PTPRD: variants seen among roughly 807,000 people sequenced by gnomAD.
The protein encoded by PTPRD is receptor-type tyrosine-protein phosphatase delta.
Under a neutral mutation model 214.5 loss-of-function variants are expected in PTPRD, and 34 were observed. The ratio of observed to expected loss-of-function variants is 0.16; its 90% CI spans 0.12 to 0.21. The LOEUF (loss-of-function observed/expected upper bound fraction) is 0.21. Among genes scored for constraint, PTPRD ranks in the 10% least tolerant of loss-of-function variants. The pLI, the probability that PTPRD is intolerant of heterozygous loss-of-function variation, is 1.00. For missense variants in PTPRD, 2,545 were observed against 2,398.7 expected (o/e 1.06, Z -1.27); for synonymous variants, 1,128 against 845.7 (o/e 1.33, Z -5.79).
Position 10,395,022 on chromosome 9 carries a change from T to C in PTPRD, c.-599-54005A>G, listed in dbSNP as rs116098586. Among the ~76,000 whole-genome samples, 591 of 147,520 alleles carry C rather than the reference T, an allele frequency of 4.0e-3. 11 individuals are homozygous for C. Among genetic ancestry groups the C allele is most frequent in the African/African-American group, 0.014 (556 of 39,892 alleles). ...GGTTCTGCTGCCTGCACTTTATCAA[T>C]AAACGTGTGCTCTCCTACCGCTTGG... On this transcript the variant is annotated intron_variant, in intron 2 of 45. Transcript: ENST00000381196.
chr9:10,106,221 C>T (rs555006542), intron 3 of PTPRD, among the ~76,000 whole-genome samples: 4 of 151,792 alleles, frequency 2.6e-5, no homozygotes, highest in African/African-American at 7.2e-5. Context: ...AGGTTGATTC[C>T]TATTTTTCTA....
chr9:9,606,377 A>C (rs1355839298), intron 7 of PTPRD, among the ~76,000 whole-genome samples: 1 of 152,070 alleles, frequency 6.6e-6, no homozygotes, highest in Non-Finnish European at 1.5e-5. Flanking sequence ...ATTTCTTTAA[A>C]ACATAGTGTG....
chr9:9,116,921 G>C (rs2099812881), intron 10 of PTPRD, among the ~76,000 whole-genome samples: 1 of 152,048 alleles, frequency 6.6e-6, no homozygotes, highest in African/African-American at 2.4e-5. Context: ...TCCAATGCTT[G>C]TTACCATGCC....
intron 9 of PTPRD, among the ~76,000 whole-genome samples, chr9:9,388,087 G>A (rs2064508385): frequency 6.6e-6 from 1 of 152,132 alleles, no homozygotes; most frequent in Admixed American, 6.5e-5. Flanking sequence ...AGGTTTTATT[G>A]AGTAGAAGTA....
Position 8,314,352 on chromosome 9 carries a change from T to A in PTPRD, c.*3522A>T, listed in dbSNP as rs1216801772. 1 of 228,190 alleles carries A rather than the reference T, an allele frequency of 4.4e-6. No homozygotes were observed. Among genetic ancestry groups the A allele is most frequent in the Admixed American group, 5.7e-5 (1 of 17,554 alleles). 14.1% of individuals were successfully genotyped at this position (228,190 alleles called of 1,614,324 possible). A position where few individuals can be genotyped will look rare whatever the true frequency, so the allele number is the denominator to read the frequency against. On this transcript the variant is annotated 3_prime_UTR_variant, in exon 46 of 46. Transcript: ENST00000381196. ...TTCTTTCGCCACCAATGTAACGAAG[T>A]AAGAAAATAAAAAGCACGCCTTTCA...
chr9:8,945,759 C>T (rs1031069984), intron 11 of PTPRD, among the ~76,000 whole-genome samples: 32 of 152,056 alleles, frequency 2.1e-4, no homozygotes, highest in Non-Finnish European at 7.4e-5. Flanking sequence ...TGCCTGTGTA[C>T]CTTTGGATAT....
At chr9:9,514,534 G>C (rs565680411) in intron 8 of PTPRD, among the ~76,000 whole-genome samples, 1 of 152,010 alleles carries the variant, frequency 6.6e-6, no homozygotes, top group Non-Finnish European at 1.5e-5. Context: ...CCTGCCTTCC[G>C]AGGAGTTCTT....
In PTPRD at chr9:8,736,200, C is replaced by G. The variant is rs112471761; in HGVS notation, c.-103-2254G>C. ...TGGGAATTAGGAAGGGAGGCAATGA[C>G]TGGCTCCAAGCAATCATTTGAAGTA... On this transcript the variant is annotated intron_variant, in intron 11 of 45. Coordinates refer to ENST00000381196, the MANE Select transcript of PTPRD (RefSeq NM_002839.4). Among the ~76,000 whole-genome samples, 941 of 152,270 alleles carry G rather than the reference C, an allele frequency of 6.2e-3. 4 individuals carry two copies. The highest frequency in any genetic ancestry group is 0.021 in the African/African-American group (867 of 41,536).
At chr9:9,514,861 T>G (rs2154249008) in intron 8 of PTPRD, among the ~76,000 whole-genome samples, 1 of 152,188 alleles carries the variant, frequency 6.6e-6, no homozygotes, top group Non-Finnish European at 1.5e-5. Context: ...AAGTGCCTAG[T>G]TCTCTCCCTT....
chr9:8,875,238 G>A (rs774311079), intron 11 of PTPRD, among the ~76,000 whole-genome samples: 1 of 152,182 alleles, frequency 6.6e-6, no homozygotes, highest in Non-Finnish European at 1.5e-5. Flanking sequence ...CTCTCTGGAA[G>A]TTCTAGGACA....
intron 3 of PTPRD, among the ~76,000 whole-genome samples, chr9:10,035,783 T>C (rs1254005951): frequency 6.6e-6 from 1 of 151,796 alleles, no homozygotes; most frequent in African/African-American, 2.4e-5. Context: ...TGAAATTCCT[T>C]ATTAGTGGTT....
intron 17 of PTPRD, among the ~76,000 whole-genome samples, chr9:8,525,412 CAA>C (rs1192427611): frequency 6.6e-6 from 1 of 151,496 alleles, no homozygotes; most frequent in Non-Finnish European, 1.5e-5. Context: ...ATTTGGGTAC[CAA>C]AAGTGGCGCA....
chr9:8,651,040 C>T (rs1046812352), intron 12 of PTPRD, among the ~76,000 whole-genome samples: 2 of 152,028 alleles, frequency 1.3e-5, no homozygotes, highest in Non-Finnish European at 2.9e-5. Context: ...GGTATACTTC[C>T]AATTGAGCAC....
At chr9:9,200,473 C>G (rs1341845400) in intron 9 of PTPRD, among the ~76,000 whole-genome samples, 1 of 152,156 alleles carries the variant, frequency 6.6e-6, no homozygotes, top group African/African-American at 2.4e-5. Flanking sequence ...CACCTATGAG[C>G]AATATATTTT....
At chr9:10,057,618 G>C (rs373414011) in intron 3 of PTPRD, among the ~76,000 whole-genome samples, 2 of 152,122 alleles carry the variant, frequency 1.3e-5, no homozygotes, top group African/African-American at 2.4e-5. Context: ...GTCAAGGCGG[G>C]TGGATCACGA....
chr9:9,725,076 G>C (rs1434958519), intron 7 of PTPRD, among the ~76,000 whole-genome samples: 3 of 152,048 alleles, frequency 2.0e-5, no homozygotes, highest in Non-Finnish European at 2.9e-5. Context: ...AAATATCTGG[G>C]GTAGGTTAGT....
intron 11 of PTPRD, among the ~76,000 whole-genome samples, chr9:9,014,115 T>A (rs961879178): frequency 1.3e-5 from 2 of 152,086 alleles, no homozygotes; most frequent in Non-Finnish European, 2.9e-5. Flanking sequence ...CAGAGAGGAA[T>A]AGTATCTGTT....
At chr9:9,353,416 C>G (rs2802286) in intron 9 of PTPRD, among the ~76,000 whole-genome samples, 9,246 of 151,596 alleles carry the variant, frequency 0.061, 944 homozygotes, top group African/African-American at 0.21. Context: ...ATTTAATGAA[C>G]AAAGAAATAA....
intron 11 of PTPRD, among the ~76,000 whole-genome samples, chr9:8,927,298 G>T (rs1433458514): frequency 2.0e-5 from 3 of 152,040 alleles, no homozygotes; most frequent in African/African-American, 4.8e-5. Context: ...AGGCATACAT[G>T]TGTCATGGTG....
Sources: allele counts gnomAD v4.1 joint callset (sites outside exome capture counted in the v4.1 genomes callset), GRCh38; gene constraint gnomAD v4.1.1; transcripts MANE v1.5; gene names NCBI Gene and HGNC (gene_info 2026-07-23, HGNC 2026-07-21).